Variants in PIAS4 observed in about 807,000 individuals in gnomAD.
The protein encoded by PIAS4 is E3 SUMO-protein ligase PIAS4.
Under a neutral mutation model 58.0 loss-of-function variants are expected in PIAS4, and 7 were observed. The ratio of observed to expected loss-of-function variants is 0.12; its 90% CI spans 0.07 to 0.23. The LOEUF (loss-of-function observed/expected upper bound fraction) is 0.23. Ranked by LOEUF, PIAS4 falls within the 10% of genes least tolerant of loss-of-function variation. The probability of loss-of-function intolerance (pLI) is 1.00; values close to 1 mark genes in which losing one functional copy is unlikely to be tolerated. For missense variants in PIAS4, 550 were observed against 709.5 expected, an observed-to-expected ratio of 0.78 and a Z score of 2.55; for synonymous variants, 364 against 312.4, an observed-to-expected ratio of 1.17 and a Z score of -1.74.
chr19:4,018,886 C>G (rs948669142), intron 2 of PIAS4: 1 of 152,602 alleles, frequency 6.6e-6, no homozygotes, highest in Non-Finnish European at 1.5e-5. Flanking sequence ...ATGGCAGGTG[C>G]GGAGGCCCTG....
intron 3 of PIAS4, among the ~76,000 whole-genome samples, chr19:4,024,696 A>C (rs1166882634): frequency 1.3e-5 from 2 of 152,082 alleles, no homozygotes; most frequent in Non-Finnish European, 2.9e-5. Context: ...CCCGGTTTAC[A>C]CCGCCCGCCT....
At chr19:4,026,191 G>A (rs1442736505) in intron 3 of PIAS4, among the ~76,000 whole-genome samples, 1 of 144,996 alleles carries the variant, frequency 6.9e-6, no homozygotes, top group Non-Finnish European at 1.5e-5. Flanking sequence ...GGAGTGCAGT[G>A]GCGTGATGTC....
rs2040018364 is a variant in PIAS4 at position 4,013,364 on chromosome 19, T to A, written c.454+15T>A. On this transcript the variant is annotated intron_variant, in intron 2 of 10. Coordinates refer to ENST00000262971, the MANE Select transcript of PIAS4 (RefSeq NM_015897.4). This position sits in a 1 kb window ranked among gnomAD's most constrained non-coding sequence, Gnocchi z 5.1. ...CACCGAATTAGGTGAGTGGTCACCC[T>A]GGGGAGGCTGCGACTGGAGGCTTCA... is the stretch of plus-strand genomic sequence containing the variant. 1.2e-6 allele frequency: 2 copies of A among 1,600,438 alleles called. No individual in the cohort carries two copies. Among genetic ancestry groups the A allele is most frequent in the Non-Finnish European group, 1.7e-6 (2 of 1,171,142 alleles).
chr19:4,019,183 G>A (rs2040083466), intron 2 of PIAS4, among the ~76,000 whole-genome samples: 1 of 152,166 alleles, frequency 6.6e-6, no homozygotes, highest in South Asian at 2.1e-4. Context: ...CCAAACAGCT[G>A]ACCCCGAGGG....
chr19:4,020,605 T>A (rs926751415), intron 2 of PIAS4, among the ~76,000 whole-genome samples: 4 of 152,240 alleles, frequency 2.6e-5, no homozygotes, highest in Non-Finnish European at 5.9e-5. Flanking sequence ...TGCACGCTGC[T>A]CAGCGTTTTT....
At chr19:4,010,191 C>A (rs2039979121) in intron 1 of PIAS4, among the ~76,000 whole-genome samples, 1 of 152,176 alleles carries the variant, frequency 6.6e-6, no homozygotes, top group South Asian at 2.1e-4. Flanking sequence ...AATGCTTGTC[C>A]CCCCCGCACT....
intron 9 of PIAS4, among the ~76,000 whole-genome samples, chr19:4,036,549 T>G (rs1357392398): frequency 7.6e-6 from 1 of 132,448 alleles, no homozygotes; most frequent in Admixed American, 7.4e-5. Flanking sequence ...TGCACACATC[T>G]ATACAGTCCA....
chr19:4,031,717 C>T (rs2040224331), intron 7 of PIAS4, among the ~76,000 whole-genome samples: 1 of 152,110 alleles, frequency 6.6e-6, no homozygotes, highest in African/African-American at 2.4e-5. Context: ...CTGCTGCTTC[C>T]CACAGCCGGC....
At chr19:4,035,373 G>A (rs74880820) in intron 9 of PIAS4, among the ~76,000 whole-genome samples, 5,704 of 152,282 alleles carry the variant, frequency 0.037, 151 homozygotes, top group Non-Finnish European at 0.061. Flanking sequence ...CCTTCCTGCG[G>A]GTGGGGAGAC....
At chr19:4,031,006 G>C (rs1006170144) in intron 7 of PIAS4, among the ~76,000 whole-genome samples, 1 of 152,186 alleles carries the variant, frequency 6.6e-6, no homozygotes, top group African/African-American at 2.4e-5. Flanking sequence ...CCCCCTTCCC[G>C]AATGGTGGCT....
At position 4,029,005 on chromosome 19, in the gene PIAS4, G is replaced by A. The variant is rs766386357; in HGVS notation, c.876G>A (p.Gly292=). ...TGCTGCAGAGGCTGAAGACCATTGG[G>A]GTAAAGCACCCGGAGCTGTGCAAGG... is the stretch of plus-strand genomic sequence containing the variant. ...SELLQRLKTI[G]VKHPELCKAL... Residue 292 remains glycine (G), a synonymous_variant, in exon 7 of 11, where the codon GGG becomes GGA. Coordinates refer to ENST00000262971, the MANE Select transcript of PIAS4 (RefSeq NM_015897.4). 5.0e-6 allele frequency: 8 copies of A among 1,609,218 alleles called. No individual in the cohort carries two copies. Among genetic ancestry groups the A allele is most frequent in the Non-Finnish European group, 6.8e-6 (8 of 1,178,322 alleles).
At chr19:4,026,461 A>C (rs2040165766) in intron 3 of PIAS4, among the ~76,000 whole-genome samples, 2 of 151,580 alleles carry the variant, frequency 1.3e-5, no homozygotes, top group South Asian at 4.2e-4. Context: ...TCGAGATATG[A>C]TTTGCATACC....
chr19:4,033,603 G>A (rs753846439), intron 9 of PIAS4, 23 bp downstream of exon 9: 10 of 1,572,736 alleles, frequency 6.4e-6, no homozygotes, highest in South Asian at 1.2e-5. Context: ...CCCCGGGGAG[G>A]GCGGCCGGAG....
chr19:4,035,159 C>T (rs921888307), intron 9 of PIAS4, among the ~76,000 whole-genome samples: 2 of 152,068 alleles, frequency 1.3e-5, no homozygotes, highest in African/African-American at 4.8e-5. Flanking sequence ...GAGAGCTCGG[C>T]GGGGCGGAGG....
At chr19:4,035,699 G>C (rs1205719965) in intron 9 of PIAS4, among the ~76,000 whole-genome samples, 4 of 124,750 alleles carry the variant, frequency 3.2e-5, no homozygotes, top group Non-Finnish European at 7.0e-5. Flanking sequence ...GTGAAAGCAG[G>C]TGTGCGTGCA....
intron 1 of PIAS4, among the ~76,000 whole-genome samples, chr19:4,009,138 C>T (rs2039969790): frequency 1.3e-5 from 2 of 152,050 alleles, no homozygotes; most frequent in South Asian, 4.2e-4. Context: ...GGGACCTCTC[C>T]CTCCCCCATC....
intron 8 of PIAS4, 52 bp downstream of exon 8, chr19:4,033,225 C>T: frequency 6.4e-7 from 1 of 1,552,146 alleles, no homozygotes. Flanking sequence ...GCCGGCCTTC[C>T]CCCCTGGCGG....
chr19:4,024,622 AC>A (rs2040144105), intron 3 of PIAS4, among the ~76,000 whole-genome samples: 1 of 152,300 alleles, frequency 6.6e-6, no homozygotes, highest in African/African-American at 2.4e-5. Flanking sequence ...AAGGCTGCAT[AC>A]ATTGAAATCC....
rs563137598 is a variant in PIAS4 at position 4,013,619 on chromosome 19, G to A, written c.454+270G>A. 5.3e-5 allele frequency among the ~76,000 whole-genome samples: 8 copies of A among 151,610 alleles called. No individual in the cohort carries two copies. Among genetic ancestry groups the A allele is most frequent in the Non-Finnish European group, 1.2e-4 (8 of 67,796 alleles). On this transcript the variant is annotated intron_variant, in intron 2 of 10. Coordinates refer to ENST00000262971, the MANE Select transcript of PIAS4 (RefSeq NM_015897.4). The surrounding 1 kb of genome is among the most constrained non-coding windows in gnomAD (Gnocchi z 5.1). Reference sequence around the variant, plus strand: ...CTCAGGAACCTGTGAGCTGTGTTGCGGGGCATTGGGGCTTGGGGGCTCTCA... The same window carrying A: ...CTCAGGAACCTGTGAGCTGTGTTGCAGGGCATTGGGGCTTGGGGGCTCTCA...
Sources: allele counts gnomAD v4.1 joint callset (sites outside exome capture counted in the v4.1 genomes callset), GRCh38; gene constraint gnomAD v4.1.1; non-coding constraint Gnocchi (gnomAD v3.1); transcripts MANE v1.5; gene names NCBI Gene and HGNC (gene_info 2026-07-23, HGNC 2026-07-21).